The following STXBP5L variants were observed in gnomAD, a reference collection of about 807,000 sequenced individuals.
The protein encoded by STXBP5L is syntaxin-binding protein 5-like.
In STXBP5L, 65 loss-of-function variants were observed where a neutral mutation model predicts 144.5. That is an observed-to-expected ratio of 0.45 (90% CI 0.37 to 0.55). The LOEUF (loss-of-function observed/expected upper bound fraction) is 0.55. Among genes scored for constraint, STXBP5L ranks in the 20% least tolerant of loss-of-function variants. The probability of loss-of-function intolerance (pLI) is 0.00; values close to 1 mark genes in which losing one functional copy is unlikely to be tolerated. For synonymous variants in STXBP5L, 505 were observed against 469.6 expected (o/e 1.08, Z -0.97); for missense variants, 1,298 against 1,405.5 (o/e 0.92, Z 1.22).
intron 10 of STXBP5L, among the ~76,000 whole-genome samples, chr3:121,206,526 C>A (rs2048340939): frequency 6.6e-6 from 1 of 151,962 alleles, no homozygotes; most frequent in Non-Finnish European, 1.5e-5. Context: ...GTAGCTATAT[C>A]CGGCTGGGTG....
At chr3:121,233,486 A>T in intron 11 of STXBP5L, 130 bp from the exon 12 acceptor site, 1 of 538,624 alleles carries the variant, frequency 1.9e-6, no homozygotes, top group Non-Finnish European at 3.1e-6. Context: ...GTTACTTCTT[A>T]CTTTGGCTTA....
intron 5 of STXBP5L, among the ~76,000 whole-genome samples, chr3:121,093,713 C>T (rs1186918444): frequency 6.6e-6 from 1 of 152,008 alleles, no homozygotes; most frequent in Non-Finnish European, 1.5e-5. Context: ...TTGATCCTTT[C>T]AAAAAACCAG....
At chr3:121,111,803 T>A (rs1460379002) in intron 5 of STXBP5L, among the ~76,000 whole-genome samples, 1 of 152,198 alleles carries the variant, frequency 6.6e-6, no homozygotes, top group Non-Finnish European at 1.5e-5. Flanking sequence ...ACTTCCCAGG[T>A]TCTGCAGAGC....
chr3:120,984,593 C>T (rs1576573868), intron 3 of STXBP5L, among the ~76,000 whole-genome samples: 1 of 134,014 alleles, frequency 7.5e-6, no homozygotes, highest in Admixed American at 8.0e-5. Context: ...TTACTTACTT[C>T]GTTCTTTCCA....
At chr3:121,312,548 G>T (rs1264419307) in intron 19 of STXBP5L, among the ~76,000 whole-genome samples, 1 of 141,916 alleles carries the variant, frequency 7.0e-6, no homozygotes, top group African/African-American at 2.6e-5. Flanking sequence ...TGGAGGGAAG[G>T]TCAGCAGATA....
chr3:121,019,147 C>T (rs2108198886), intron 3 of STXBP5L, among the ~76,000 whole-genome samples: 1 of 152,274 alleles, frequency 6.6e-6, no homozygotes. Context: ...GCAGAGGCAG[C>T]CGTAATCCCC....
intron 5 of STXBP5L, among the ~76,000 whole-genome samples, chr3:121,068,320 A>T (rs1047970761): frequency 6.6e-6 from 1 of 152,242 alleles, no homozygotes; most frequent in Non-Finnish European, 1.5e-5. Flanking sequence ...TATTAGTCTT[A>T]TACTTGGTGT....
intron 7 of STXBP5L, among the ~76,000 whole-genome samples, chr3:121,145,911 C>T (rs1051746352): frequency 6.6e-6 from 1 of 151,998 alleles, no homozygotes; most frequent in Non-Finnish European, 1.5e-5. Context: ...TGTGAGTAGA[C>T]ATTATCCAGT....
intron 3 of STXBP5L, among the ~76,000 whole-genome samples, chr3:120,974,724 G>A (rs1043205539): frequency 6.6e-6 from 1 of 152,112 alleles, no homozygotes; most frequent in Non-Finnish European, 1.5e-5. Context: ...TTTGTATAAG[G>A]TGTAAGGAAG....
At chr3:121,286,237 A>G (rs748382421) in intron 19 of STXBP5L, among the ~76,000 whole-genome samples, 2 of 152,152 alleles carry the variant, frequency 1.3e-5, no homozygotes, top group Non-Finnish European at 2.9e-5. Context: ...CCTGAAACAT[A>G]AAGAAGAAAT....
intron 19 of STXBP5L, among the ~76,000 whole-genome samples, chr3:121,309,883 AAAG>A (rs1423873628): frequency 6.6e-6 from 1 of 152,262 alleles, no homozygotes; most frequent in Admixed American, 6.5e-5. Flanking sequence ...TACTCTTGGA[AAAG>A]AAGAACAAAA....
intron 3 of STXBP5L, among the ~76,000 whole-genome samples, chr3:121,001,758 C>T (rs1441837686): frequency 2.0e-5 from 3 of 152,324 alleles, no homozygotes; most frequent in Middle Eastern, 3.4e-3. Flanking sequence ...AGCGCAGATT[C>T]TGCATTCTCT....
intron 20 of STXBP5L, among the ~76,000 whole-genome samples, chr3:121,358,607 C>A (rs941839490): frequency 6.2e-4 from 95 of 152,162 alleles, no homozygotes; most frequent in African/African-American, 2.0e-3. Flanking sequence ...CCACCAGGCC[C>A]CACCTCCTGG....
intron 3 of STXBP5L, among the ~76,000 whole-genome samples, chr3:120,967,949 A>C (rs1939796282): frequency 6.6e-6 from 1 of 152,182 alleles, no homozygotes; most frequent in Admixed American, 6.5e-5. Flanking sequence ...ATTTTATCCC[A>C]TTATGGTCAG....
intron 7 of STXBP5L, among the ~76,000 whole-genome samples, chr3:121,151,439 A>T (rs1345864606): frequency 6.6e-6 from 1 of 152,144 alleles, no homozygotes; most frequent in Non-Finnish European, 1.5e-5. Flanking sequence ...TTTACTGCGA[A>T]AACTACTAGC....
intron 20 of STXBP5L, among the ~76,000 whole-genome samples, chr3:121,344,404 CT>C (rs2044865422): frequency 6.6e-6 from 1 of 152,062 alleles, no homozygotes; most frequent in Admixed American, 6.6e-5. Context: ...CAAATGGGAT[CT>C]AATTAAATTA....
chr3:121,220,198 G>A (rs1167290276), intron 10 of STXBP5L, among the ~76,000 whole-genome samples: 5 of 152,014 alleles, frequency 3.3e-5, no homozygotes, highest in Admixed American at 3.3e-4. Flanking sequence ...GCCTTTTGGA[G>A]ACTGTTACAT....
At chr3:120,942,451 G>C (rs1710614907) in intron 2 of STXBP5L, among the ~76,000 whole-genome samples, 1 of 151,392 alleles carries the variant, frequency 6.6e-6, no homozygotes, top group African/African-American at 2.4e-5. Flanking sequence ...AAAGTATTTT[G>C]TCTTTCTAAC....
chr3:120,944,828 T>C (rs1214274449), intron 2 of STXBP5L, among the ~76,000 whole-genome samples: 3 of 151,856 alleles, frequency 2.0e-5, no homozygotes, highest in Non-Finnish European at 4.4e-5. Flanking sequence ...AGTCTTTTCT[T>C]TCATCCAAGA....
Sources: gnomAD v4.1 joint callset for allele counts (sites outside exome capture counted in the v4.1 genomes callset) on GRCh38, gnomAD v4.1.1 for gene constraint, MANE v1.5 for transcripts, NCBI Gene and HGNC (gene_info 2026-07-23, HGNC 2026-07-21) for gene names.